Variants in IGSF9 observed in about 807,000 individuals in gnomAD.
The protein encoded by IGSF9 is protein turtle homolog A.
Under a neutral mutation model 121.7 loss-of-function variants are expected in IGSF9, and 87 were observed. That is an observed-to-expected ratio of 0.71 (90% CI 0.60 to 0.85). The LOEUF (loss-of-function observed/expected upper bound fraction) is 0.85. Among genes scored for constraint, IGSF9 ranks in the 40% least tolerant of loss-of-function variants. The probability of loss-of-function intolerance (pLI) is 0.00; values close to 1 mark genes in which losing one functional copy is unlikely to be tolerated. For synonymous variants in IGSF9, 640 were observed against 648.4 expected (o/e 0.99, Z 0.20); for missense variants, 1,462 against 1,565.3 (o/e 0.93, Z 1.11).
At chr1:159,927,710 A>T in intron 20 of IGSF9, 50 bp downstream of exon 20, 1 of 1,596,860 alleles carries the variant, frequency 6.3e-7, no homozygotes, top group Non-Finnish European at 8.5e-7. Flanking sequence ...TGGCGGGGGG[A>T]TGTGGGACAG....
Position 159,931,277 on chromosome 1 carries a change from T to C in IGSF9, c.1514-16A>G, listed in dbSNP as rs1309893284. ...GGGCTAGTGCCTAGGCAGGGGGGAA[T>C]GGAGGGATGGTGGTCAGGGCCTGAG... On this transcript the variant is annotated splice_polypyrimidine_tract_variant and intron_variant, in intron 12 of 20. Transcript: ENST00000368094. This position sits in a 1 kb window ranked among gnomAD's most constrained non-coding sequence, Gnocchi z 4.8. The C allele has an allele frequency of 6.2e-7, 1 of 1,613,870 alleles. No individual in the cohort carries two copies. Among genetic ancestry groups the C allele is most frequent in the Non-Finnish European group, 8.5e-7 (1 of 1,179,940 alleles).
intron 3 of IGSF9, among the ~76,000 whole-genome samples, chr1:159,942,761 T>C (rs1651431703): frequency 6.6e-6 from 1 of 151,972 alleles, no homozygotes. Flanking sequence ...TGTGTGTGTG[T>C]GTGTGTGTAA....
Position 159,928,676 on chromosome 1 carries a change from G to A in IGSF9, c.2712C>T (p.Ser904=). 6.8e-7 allele frequency: 1 copy of A among 1,480,060 alleles called. No individual in the cohort carries two copies. The highest frequency in any genetic ancestry group is 9.0e-7 in the Non-Finnish European group (1 of 1,113,862). 91.7% of individuals were successfully genotyped at this position (1,480,060 alleles called of 1,614,324 possible). ...GGGCTGCTGGAGGGGGTGCCACAGGGCTGATGTCTTCAATGCAGAGGGGCT... is the reference window on the plus strand; with the variant it reads ...GGGCTGCTGGAGGGGGTGCCACAGGACTGATGTCTTCAATGCAGAGGGGCT... ...APQPLCIEDI[S]PVAPPPAAPP... The change falls in exon 19 of 21, where the codon AGC becomes AGT. Residue 904 remains serine, a synonymous_variant. Coordinates refer to ENST00000368094, the MANE Select transcript of IGSF9 (RefSeq NM_001135050.2).
rs1327919185 is a variant in IGSF9, at chr1:159,929,656, G to A, written c.2308C>T (p.Arg770Cys). ...GACTTACCTTGGCGGAGGCGCTTGC[G>A]GCGGCGGCGGGCAGCCCTGCGCCGG... ...LNRRRAARRR[R>C]KRLRQDPPLI... is the part of the protein sequence containing the mutation. The change falls in exon 17 of 21, where the codon CGC becomes TGC. Residue 770 changes from arginine to cysteine, a missense_variant. Physicochemically the swap from Arg to Cys is radical, Grantham distance 180 (BLOSUM62 -3). This residue lies in a region of IGSF9 where 808 missense variants were observed against 815.2 expected (regional missense o/e 0.99). Transcript: ENST00000368094. The A allele has an allele frequency of 6.3e-6, 10 of 1,589,808 alleles. No homozygotes were observed. The highest frequency in any genetic ancestry group is 1.7e-4 in the Middle Eastern group (1 of 6,048).
intron 15 of IGSF9, 105 bp from the exon 16 acceptor site, chr1:159,930,080 C>A: frequency 6.5e-7 from 1 of 1,547,856 alleles, no homozygotes; most frequent in Admixed American, 1.8e-5. Context: ...TGAGGTAGGA[C>A]GCAGAGGTGA....
At chr1:159,944,554 A>C (rs1651524113) in intron 1 of IGSF9, among the ~76,000 whole-genome samples, 1 of 152,130 alleles carries the variant, frequency 6.6e-6, no homozygotes. Flanking sequence ...TTTCTTCCCC[A>C]ACCCCAGAGG....
In IGSF9 at chr1:159,937,569, A is replaced by G. The variant is rs540233955; in HGVS notation, c.400+117T>C. The G allele has an allele frequency of 1.0e-4, 118 of 1,157,026 alleles. No individual in the cohort carries two copies. The African/African-American group carries it at 1.7e-3, about 17-fold the overall frequency. 71.7% of individuals were successfully genotyped at this position (1,157,026 alleles called of 1,614,324 possible). The stretch of plus-strand genomic sequence containing the variant: ...CAAGGGCTCTCAGGAAGGGTGGGGC[A>G]TCAGAGCTGTTTGTGGGATGGAAAT... On this transcript the variant is annotated intron_variant, in intron 4 of 20. Transcript: ENST00000368094.
chr1:159,942,878 C>T (rs539884361), intron 3 of IGSF9, 85 bp downstream of exon 3: 9 of 1,103,626 alleles, frequency 8.2e-6, no homozygotes, highest in African/African-American at 1.6e-5. Context: ...GGGACAAAGC[C>T]GTTCATAGGA....
Position 159,927,769 on chromosome 1 carries a change from G to T in IGSF9, c.3349C>A (p.Pro1117Thr), listed in dbSNP as rs1319080. 0.062 allele frequency: 100,473 copies of T among 1,613,036 alleles called. 4,178 individuals are homozygous for T. Among genetic ancestry groups the T allele is most frequent in the East Asian group, 0.22 (9,831 of 44,838 alleles). ...ASSRLRPEAE[P>T]ELGVKTPEEG... ...CGGGGGGCTCACACACCTAGCTCTG[G>T]CTCAGCTTCAGGTCTGAGCCGGGAG... The change falls in exon 20 of 21, where the codon CCA becomes ACA. Residue 1117 changes from proline (P) to threonine (T), a missense_variant. Around this residue, in one of 3 missense-constraint regions of IGSF9, gnomAD observed 808 missense variants for 815.2 expected, o/e 0.99. Transcript: ENST00000368094.
intron 4 of IGSF9, 138 bp downstream of exon 4, chr1:159,937,548 G>A: frequency 1.1e-6 from 1 of 871,828 alleles, no homozygotes; most frequent in South Asian, 1.6e-5. Context: ...AGCAAACAAG[G>A]GCTCTCAGGA....
chr1:159,927,379 G>A lies in IGSF9; in HGVS notation c.3506C>T (p.Pro1169Leu), dbSNP rs767680026. ...AGTGGCCTGTTCGGGGTGGGGGACTGGCTGTCGATAGGCTGGTAGCCGAGC... is the reference window on the plus strand; with the variant it reads ...AGTGGCCTGTTCGGGGTGGGGGACTAGCTGTCGATAGGCTGGTAGCCGAGC... ...TRARLPAYRQPVPHPEQATLL is the reference protein window; with the variant it reads ...TRARLPAYRQLVPHPEQATLL The change falls in exon 21 of 21, where the codon CCA becomes CTA. Residue 1169 changes from proline to leucine, a missense_variant. By Grantham distance (98) the Pro-to-Leu change is moderately conservative. This residue lies in a region of IGSF9 where 808 missense variants were observed against 815.2 expected (regional missense o/e 0.99). Transcript: ENST00000368094. The A allele has an allele frequency of 1.5e-5, 24 of 1,613,776 alleles. 1 individual carries two copies. The South Asian group carries it at 2.4e-4, about 16-fold the overall frequency.
rs143816509 is a variant in IGSF9, at chr1:159,943,045, G to A, written c.165C>T (p.Ile55=). Reference sequence around the variant, plus strand: ...GCAGGAATCCAAAGCGCAGCCACTCGATGACATGCAGGGGGGGCCGGCCGG... The same window carrying A: ...GCAGGAATCCAAAGCGCAGCCACTCAATGACATGCAGGGGGGGCCGGCCGG... ...PPAGRPPLHV[I]EWLRFGFLLP... The change falls in exon 3 of 21, where the codon ATC becomes ATT. Residue 55 remains isoleucine, a synonymous_variant. Transcript: ENST00000368094. The A allele has an allele frequency of 6.9e-5, 112 of 1,613,180 alleles. No homozygotes were observed. Among genetic ancestry groups the A allele is most frequent in the Non-Finnish European group, 8.1e-5 (95 of 1,179,662 alleles).
In IGSF9 at chr1:159,934,833, C is replaced by T. The variant is rs1423275471; in HGVS notation, c.674-11G>A. 2 of 1,613,800 alleles carry T rather than the reference C, an allele frequency of 1.2e-6. No individual in the cohort carries two copies. Among genetic ancestry groups the T allele is most frequent in the African/African-American group, 1.3e-5 (1 of 75,022 alleles). ...CGATGACTGGGGGTCCTGTGGGATG[C>T]ACAAGGGGAGGAAGGTGGCCTCAGC... On this transcript the variant is annotated splice_polypyrimidine_tract_variant and intron_variant, in intron 6 of 20. Coordinates refer to ENST00000368094, the MANE Select transcript of IGSF9 (RefSeq NM_001135050.2).
In IGSF9 at chr1:159,933,800, G is replaced by A. The variant is rs537103482; in HGVS notation, c.1104+390C>T. The A allele has an allele frequency of 6.9e-5, 19 of 273,874 alleles. No homozygotes were observed. The Admixed American group carries it at 9.7e-4, about 14-fold the overall frequency. The allele number at this position is 273,874 out of a possible 1,614,324, so 17.0% of individuals were successfully genotyped here. ...TCTGCCCAGATGGTGCCCACTTTAAGGATGGATGCCTCCTTGCCCCTGCCC... is the reference window on the plus strand; with the variant it reads ...TCTGCCCAGATGGTGCCCACTTTAAAGATGGATGCCTCCTTGCCCCTGCCC... On this transcript the variant is annotated intron_variant, in intron 9 of 20. Coordinates refer to ENST00000368094, the MANE Select transcript of IGSF9 (RefSeq NM_001135050.2).
Position 159,928,394 on chromosome 1 carries a change from G to T in IGSF9, c.2994C>A (p.Ala998=). The T allele has an allele frequency of 6.2e-7, 1 of 1,608,798 alleles. No homozygotes were observed. ...AGATAEPPYT[A]LADWTLRERL... is the part of the protein sequence containing the mutation. ...GCTCCCTCAGTGTCCAGTCAGCCAGGGCTGTGTAAGGGGGCTCTGCAGTGG... is the reference window on the plus strand; with the variant it reads ...GCTCCCTCAGTGTCCAGTCAGCCAGTGCTGTGTAAGGGGGCTCTGCAGTGG... The change falls in exon 19 of 21, where the codon GCC becomes GCA. Residue 998 remains alanine, a synonymous_variant. Transcript: ENST00000368094.
rs1368574322 is a variant in IGSF9 at position 159,929,935 on chromosome 1, C to T, written c.2105G>A (p.Ser702Asn). 9 of 1,580,816 alleles carry T rather than the reference C, an allele frequency of 5.7e-6. No homozygotes were observed. Among genetic ancestry groups the T allele is most frequent in the Non-Finnish European group, 7.7e-6 (9 of 1,164,004 alleles). Residue 702 changes from serine to asparagine, a missense_variant, in exon 16 of 21, where the codon AGC becomes AAC. This residue lies in a region of IGSF9 where 808 missense variants were observed against 815.2 expected (regional missense o/e 0.99). Coordinates refer to ENST00000368094, the MANE Select transcript of IGSF9 (RefSeq NM_001135050.2). ...YEFRLVAFAG[S>N]FVSDPSNTAN... The stretch of plus-strand genomic sequence containing the variant: ...CGTGTTGCTGGGGTCGCTGACGAAG[C>T]TGCCCGCGAAGGCCACGAGGCGGAA...
chr1:159,927,328 C>T lies in IGSF9; in HGVS notation c.*17G>A. 6.2e-7 allele frequency: 1 copy of T among 1,612,944 alleles called. No individual in the cohort carries two copies. The highest frequency in any genetic ancestry group is 8.5e-7 in the Non-Finnish European group (1 of 1,180,012). ...TGCAGGTCCATATGCCTTTTCACAGCCTCACATCAGGGATGTTCACAGCAG... is the reference window on the plus strand; with the variant it reads ...TGCAGGTCCATATGCCTTTTCACAGTCTCACATCAGGGATGTTCACAGCAG... On this transcript the variant is annotated 3_prime_UTR_variant, in exon 21 of 21. Coordinates refer to ENST00000368094, the MANE Select transcript of IGSF9 (RefSeq NM_001135050.2).
At position 159,931,380 on chromosome 1, in the gene IGSF9, C is replaced by A; in HGVS notation, c.1513+73G>T. 6.3e-7 allele frequency: 1 copy of A among 1,597,326 alleles called. No homozygotes were observed. Among genetic ancestry groups the A allele is most frequent in the Non-Finnish European group, 8.6e-7 (1 of 1,169,424 alleles). ...ATCCCAGGGGTCCCACACCCATGATCCTCTTTCTGGGCCTCCAAAAACGAT... is the reference window on the plus strand; with the variant it reads ...ATCCCAGGGGTCCCACACCCATGATACTCTTTCTGGGCCTCCAAAAACGAT... On this transcript the variant is annotated intron_variant, in intron 12 of 20. Coordinates refer to ENST00000368094, the MANE Select transcript of IGSF9 (RefSeq NM_001135050.2). The surrounding 1 kb of genome is among the most constrained non-coding windows in gnomAD (Gnocchi z 4.8).
In IGSF9 at chr1:159,932,570, G is replaced by C; in HGVS notation, c.1187C>G (p.Thr396Ser). 1 of 1,614,094 alleles carries C rather than the reference G, an allele frequency of 6.2e-7. No individual in the cohort carries two copies. The highest frequency in any genetic ancestry group is 1.1e-5 in the South Asian group (1 of 91,078). The change falls in exon 10 of 21, where the codon ACC (threonine) becomes AGC (serine). Residue 396 changes from threonine (T) to serine (S), a missense_variant. By Grantham distance (58) the Thr-to-Ser change is moderately conservative. Around this residue, in one of 3 missense-constraint regions of IGSF9, gnomAD observed 558 missense variants for 599.4 expected, o/e 0.93. Transcript: ENST00000368094. This position sits in a 1 kb window ranked among gnomAD's most constrained non-coding sequence, Gnocchi z 4.1. ...NEDALGEYSC[T>S]PYNSLGTAGP... is the part of the protein sequence containing the mutation. Reference sequence around the variant, plus strand: ...GGCGGTACCAAGACTGTTGTAGGGGGTGCAGGAGTATTCTCCCAGGGCATC... The same window carrying C: ...GGCGGTACCAAGACTGTTGTAGGGGCTGCAGGAGTATTCTCCCAGGGCATC...
Sources: gnomAD v4.1 joint callset for allele counts (sites outside exome capture counted in the v4.1 genomes callset) on GRCh38, gnomAD v4.1.1 for gene constraint, gnomAD v4.1.1 regional missense constraint, Gnocchi (gnomAD v3.1) non-coding constraint, MANE v1.5 for transcripts, NCBI Gene and HGNC (gene_info 2026-07-23, HGNC 2026-07-21) for gene names.